Variants in TANGO2 observed in about 807,000 individuals in gnomAD.
TANGO2 encodes the protein transport and golgi organization 2 homolog, also known as transport and Golgi organization protein 2 homolog.
A neutral mutation model predicts 39.1 loss-of-function variants in TANGO2; 26 were observed. The ratio of observed to expected loss-of-function variants is 0.67; its 90% CI spans 0.49 to 0.92. The LOEUF (loss-of-function observed/expected upper bound fraction) is 0.92. Ranked by LOEUF, TANGO2 falls within the 40% of genes least tolerant of loss-of-function variation. TANGO2 has a pLI of 0.00. For missense variants in TANGO2, 326 were observed against 360.1 expected (o/e 0.91, Z 0.77); for synonymous variants, 131 against 144.5 (o/e 0.91, Z 0.67).
rs1602386424 is a variant in TANGO2, at chr22:20,061,270, A to G, written c.452-260A>G. On this transcript the variant is annotated intron_variant, in intron 6 of 8. Coordinates refer to ENST00000327374, the MANE Select transcript of TANGO2 (RefSeq NM_152906.7). Reference sequence around the variant, plus strand: ...TTGCTCATTTCTTATTCATCCATCCATCGAGGCTGCTGGGCATCTGTGCCT... The same window carrying G: ...TTGCTCATTTCTTATTCATCCATCCGTCGAGGCTGCTGGGCATCTGTGCCT... The G allele has an allele frequency of 7.9e-6, 3 of 380,606 alleles. No homozygotes were observed. In the East Asian group the frequency reaches 1.3e-4, roughly 17 times the overall value. 23.6% of individuals were successfully genotyped at this position (380,606 alleles called of 1,614,324 possible). A position where few individuals can be genotyped will look rare whatever the true frequency, so the allele number is the denominator to read the frequency against.
chr22:20,042,072 C>T (rs2044066997), intron 2 of TANGO2, among the ~76,000 whole-genome samples: 1 of 151,992 alleles, frequency 6.6e-6, no homozygotes, highest in East Asian at 1.9e-4. Flanking sequence ...GCCTCAAACT[C>T]CTGGGCTCAA....
Position 20,061,547 on chromosome 22 carries a change from A to C in TANGO2, c.469A>C (p.Asn157His). 6.2e-7 allele frequency: 1 copy of C among 1,606,604 alleles called. No homozygotes were observed. Reference sequence around the variant, plus strand: ...CCTCACAGGCACCTACGGGCTGAGCAACGCGCTGCTGGAGACTCCCTGGAG... The same window carrying C: ...CCTCACAGGCACCTACGGGCTGAGCCACGCGCTGCTGGAGACTCCCTGGAG... ...VLTPGTYGLS[N>H]ALLETPWRKL... Residue 157 changes from asparagine to histidine, a missense_variant, in exon 7 of 9, where the codon AAC becomes CAC. Asn to His is a moderately conservative substitution (Grantham distance 68, BLOSUM62 1). Transcript: ENST00000327374.
At chr22:20,059,748 T>C (rs2048018826) in intron 6 of TANGO2, among the ~76,000 whole-genome samples, 1 of 152,230 alleles carries the variant, frequency 6.6e-6, no homozygotes, top group East Asian at 1.9e-4. Context: ...ACATTCATTC[T>C]AGCTACAAGT....
chr22:20,058,881 G>A (rs548885724), intron 6 of TANGO2, among the ~76,000 whole-genome samples: 14 of 152,238 alleles, frequency 9.2e-5, no homozygotes, highest in African/African-American at 2.2e-4. Context: ...GAGGGGACCC[G>A]AGAACATATG....
Position 20,043,350 on chromosome 22 carries a change from T to A in TANGO2, c.57-5T>A, listed in dbSNP as rs1288554834. The A allele has an allele frequency of 6.2e-6, 10 of 1,609,946 alleles. No individual in the cohort carries two copies. The highest frequency in any genetic ancestry group is 2.7e-5 in the African/African-American group (2 of 74,844). The stretch of plus-strand genomic sequence containing the variant: ...GAAGCCATCAGTGATGCTTTCCTCT[T>A]GCAGGCTCATCTTGGCAGCCAACAG... On this transcript the variant is annotated splice_region_variant and splice_polypyrimidine_tract_variant and intron_variant, in intron 2 of 8. Coordinates refer to ENST00000327374, the MANE Select transcript of TANGO2 (RefSeq NM_152906.7).
intron 1 of TANGO2, among the ~76,000 whole-genome samples, chr22:20,030,098 C>T (rs1213466832): frequency 6.6e-6 from 1 of 151,798 alleles, no homozygotes; most frequent in East Asian, 1.9e-4. Context: ...GCATTTCCTT[C>T]CCAGGGTGCA....
chr22:20,041,681 C>T (rs547160058), intron 2 of TANGO2, among the ~76,000 whole-genome samples: 1 of 152,218 alleles, frequency 6.6e-6, no homozygotes, highest in South Asian at 2.1e-4. Flanking sequence ...CTCCTGACCT[C>T]ATGATCCACC....
At chr22:20,028,074 C>G (rs1317090806) in intron 1 of TANGO2, among the ~76,000 whole-genome samples, 1 of 152,186 alleles carries the variant, frequency 6.6e-6, no homozygotes, top group Non-Finnish European at 1.5e-5. Context: ...GCAGGGATTA[C>G]AGCCATGAGC....
chr22:20,049,697 T>C (rs2045932253), intron 3 of TANGO2, among the ~76,000 whole-genome samples: 1 of 149,994 alleles, frequency 6.7e-6, no homozygotes, highest in East Asian at 2.0e-4. Context: ...AATCAGGCAA[T>C]GTGGGTCTGC....
At chr22:20,056,623 C>CCTCTG in intron 6 of TANGO2, 1 of 456,730 alleles carries the variant, frequency 2.2e-6, no homozygotes, top group Non-Finnish European at 4.4e-6. Context: ...CTGGAAGCTT[C>CCTCTG]CTCTGCCAGT....
intron 1 of TANGO2, among the ~76,000 whole-genome samples, chr22:20,026,545 G>A (rs535198669): frequency 1.3e-5 from 2 of 152,368 alleles, no homozygotes; most frequent in South Asian, 4.1e-4. Flanking sequence ...GTAATATAAG[G>A]CTATTTCTAC....
chr22:20,052,413 G>A lies in TANGO2; in HGVS notation c.146-52G>A, dbSNP rs574724295. On this transcript the variant is annotated intron_variant, in intron 3 of 8. Coordinates refer to ENST00000327374, the MANE Select transcript of TANGO2 (RefSeq NM_152906.7). The stretch of plus-strand genomic sequence containing the variant: ...CGTCTCCCAGGGCTGGGAACCAGGT[G>A]GGGGACTGGAATGGGTGGCATCAAT... 61 of 1,559,004 alleles carry A rather than the reference G, an allele frequency of 3.9e-5. No individual in the cohort carries two copies. In the African/African-American group the frequency reaches 5.1e-4, roughly 13 times the overall value.
chr22:20,063,494 C>CTAGCGTGGGAGGTGG, intron 8 of TANGO2, 52 bp downstream of exon 8: 1 of 1,504,056 alleles, frequency 6.6e-7, no homozygotes, highest in Non-Finnish European at 9.1e-7. Context: ...CCACCTCCCA[C>CTAGCGTGGGAGGTGG]GCTAGAGGGC....
rs1239521984 is a variant in TANGO2 at position 20,057,243 on chromosome 22, T to C, written c.451+1230T>C. On this transcript the variant is annotated intron_variant, in intron 6 of 8. Coordinates refer to ENST00000327374, the MANE Select transcript of TANGO2 (RefSeq NM_152906.7). This position sits in a 1 kb window ranked among gnomAD's most constrained non-coding sequence, Gnocchi z 4.1. ...GTGGTGCTGACGGGCTCATCATGAG[T>C]CCTGTGGTCCTTGCCTGGCCCACAC... Among the ~76,000 whole-genome samples the C allele has an allele frequency of 2.0e-5, 3 of 152,074 alleles. No individual in the cohort carries two copies. The highest frequency in any genetic ancestry group is 6.5e-5 in the Admixed American group (1 of 15,276).
rs138416456 is a variant in TANGO2 at position 20,036,292 on chromosome 22, C to T, written c.-39-468C>T. Among the ~76,000 whole-genome samples, 688 of 152,236 alleles carry T rather than the reference C, an allele frequency of 4.5e-3. 6 individuals carry two copies. Among genetic ancestry groups the T allele is most frequent in the African/African-American group, 0.016 (650 of 41,524 alleles). On this transcript the variant is annotated intron_variant, in intron 1 of 8. Coordinates refer to ENST00000327374, the MANE Select transcript of TANGO2 (RefSeq NM_152906.7). ...GCGTACTAGGGGATAAATTGCTTGTCGAAACTGTGCTGGGTGTGCCTGTCT... is the reference window on the plus strand; with the variant it reads ...GCGTACTAGGGGATAAATTGCTTGTTGAAACTGTGCTGGGTGTGCCTGTCT...
At chr22:20,043,809 G>A (rs112147063) in intron 3 of TANGO2, among the ~76,000 whole-genome samples, 23 of 152,326 alleles carry the variant, frequency 1.5e-4, no homozygotes, top group African/African-American at 3.1e-4. Flanking sequence ...GTGTGCATGC[G>A]TGTGTATGCG....
rs777822123 is a variant in TANGO2 at position 20,036,702 on chromosome 22, G to A, written c.-39-58G>A. On this transcript the variant is annotated intron_variant, in intron 1 of 8. Transcript: ENST00000327374. ...CTCTGTTCTGGCCTGTTGCAGGTTC[G>A]GAGGGCAGCCCTGAGTGTCTGCCAT... 1.4e-4 allele frequency: 210 copies of A among 1,481,856 alleles called. 1 individual carries two copies. The highest frequency in any genetic ancestry group is 3.5e-4 in the Middle Eastern group (2 of 5,780). 91.8% of individuals were successfully genotyped at this position (1,481,856 alleles called of 1,614,324 possible). A position where few individuals can be genotyped will look rare whatever the true frequency, so the allele number is the denominator to read the frequency against.
At chr22:20,061,393 C>A in intron 6 of TANGO2, 137 bp from the exon 7 acceptor site, 1 of 948,156 alleles carries the variant, frequency 1.1e-6, no homozygotes, top group Non-Finnish European at 1.5e-6. Flanking sequence ...GGAGCTGGAG[C>A]ATGGAGCGGC....
At chr22:20,046,385 T>C (rs1247013136) in intron 3 of TANGO2, among the ~76,000 whole-genome samples, 1 of 151,972 alleles carries the variant, frequency 6.6e-6, no homozygotes, top group Admixed American at 6.6e-5. Context: ...TGGCCTGAAG[T>C]GACCCTCCTT....
Sources: allele counts gnomAD v4.1 joint callset (sites outside exome capture counted in the v4.1 genomes callset), GRCh38; gene constraint gnomAD v4.1.1; non-coding constraint Gnocchi (gnomAD v3.1); transcripts MANE v1.5; gene names NCBI Gene and HGNC (gene_info 2026-07-23, HGNC 2026-07-21).